The following ACLY variants were observed in gnomAD, a reference collection of about 807,000 sequenced individuals.
ACLY encodes ATP-citrate synthase.
ACLY carries 41 observed loss-of-function variants against 133.0 expected under a neutral mutation model. The ratio of observed to expected loss-of-function variants is 0.31; its 90% CI spans 0.24 to 0.40. The LOEUF (loss-of-function observed/expected upper bound fraction) is 0.40. Ranked by LOEUF, ACLY falls within the 10% of genes least tolerant of loss-of-function variation. The probability of loss-of-function intolerance (pLI) is 1.00; values close to 1 mark genes in which losing one functional copy is unlikely to be tolerated. For synonymous variants in ACLY, 495 were observed against 549.3 expected, an observed-to-expected ratio of 0.90 and a Z score of 1.38; for missense variants, 1,046 against 1,453.8, an observed-to-expected ratio of 0.72 and a Z score of 4.56.
Position 41,883,223 on chromosome 17 carries a change from T to C in ACLY, c.2164A>G (p.Thr722Ala), listed in dbSNP as rs782088357. Residue 722 changes from threonine (T) to alanine (A), a missense_variant, in exon 20 of 29, where the codon ACT (threonine) becomes GCT (alanine). Thr to Ala is a moderately conservative substitution (Grantham distance 58, BLOSUM62 0). Around this residue, in one of 4 missense-constraint regions of ACLY, gnomAD observed 575 missense variants for 804.2 expected, o/e 0.71. Transcript: ENST00000352035. ...MIVVLGEIGG[T>A]EEYKICRGIK... ...CCCCGGCAAATCTTATATTCCTCAG[T>C]GCCCCCAATCTGCCAAGGAATGGGG... 10 of 1,613,736 alleles carry C rather than the reference T, an allele frequency of 6.2e-6. No individual in the cohort carries two copies. The Admixed American group carries it at 1.7e-4, about 27-fold the overall frequency.
chr17:41,929,269 A>G (rs1555636351), intron 1 of ACLY, among the ~76,000 whole-genome samples: 6 of 151,804 alleles, frequency 4.0e-5, no homozygotes, highest in African/African-American at 1.5e-4. Flanking sequence ...TCACTTTTGT[A>G]TTTGTGGTAG....
intron 1 of ACLY, among the ~76,000 whole-genome samples, chr17:41,914,152 T>C (rs2049985455): frequency 6.6e-6 from 1 of 152,202 alleles, no homozygotes; most frequent in Non-Finnish European, 1.5e-5. Flanking sequence ...CCATTTCCCC[T>C]GGGACTCTTG....
chr17:41,896,359 A>G (rs2049365398), intron 14 of ACLY, among the ~76,000 whole-genome samples: 1 of 152,000 alleles, frequency 6.6e-6, no homozygotes, highest in Non-Finnish European at 1.5e-5. Context: ...TCCTTCCAAA[A>G]TCTCTACCCC....
intron 23 of ACLY, among the ~76,000 whole-genome samples, chr17:41,873,572 T>C (rs2048654993): frequency 6.6e-6 from 1 of 152,194 alleles, no homozygotes; most frequent in South Asian, 2.1e-4. Context: ...CTAACCTCTA[T>C]CTTGCTGTCA....
intron 20 of ACLY, among the ~76,000 whole-genome samples, chr17:41,882,394 A>AAAAAAAAAAAAAT: frequency 6.7e-6 from 1 of 149,114 alleles, no homozygotes; most frequent in African/African-American, 2.5e-5. Flanking sequence ...AAAAAAAAAA[A>AAAAAAAAAAAAAT]AAAGTTGTTT....
Position 41,892,758 on chromosome 17 carries a change from C to T in ACLY, c.1601+275G>A, listed in dbSNP as rs573798115. On this transcript the variant is annotated intron_variant, in intron 15 of 28. Transcript: ENST00000352035. ...GTGGCATAATTAGAGTTCACTGCAG[C>T]CTCAACCTCCAAGGCTCAGGCAATC... Among the ~76,000 whole-genome samples, 6 of 152,072 alleles carry T rather than the reference C, an allele frequency of 3.9e-5. No homozygotes were observed. In the East Asian group the frequency reaches 1.2e-3, roughly 30 times the overall value.
chr17:41,868,975 T>G (rs1434111297), intron 27 of ACLY, 68 bp downstream of exon 27: 2 of 1,467,162 alleles, frequency 1.4e-6, no homozygotes, highest in Non-Finnish European at 1.9e-6. Flanking sequence ...ATGCATTACT[T>G]TTATAGTTTG....
At chr17:41,881,703 TCTC>T (rs1386486579) in intron 20 of ACLY, among the ~76,000 whole-genome samples, 1 of 151,980 alleles carries the variant, frequency 6.6e-6, no homozygotes, top group Non-Finnish European at 1.5e-5. Flanking sequence ...TTCAAGCAAT[TCTC>T]CTGCCTCAGC....
intron 17 of ACLY, among the ~76,000 whole-genome samples, chr17:41,887,272 C>T (rs965215551): frequency 3.3e-5 from 5 of 151,896 alleles, no homozygotes; most frequent in African/African-American, 7.3e-5. Context: ...AATCCCGTCT[C>T]GACTAAAAAC....
intron 16 of ACLY, among the ~76,000 whole-genome samples, chr17:41,891,690 T>C (rs930469615): frequency 3.3e-5 from 5 of 151,988 alleles, no homozygotes; most frequent in Non-Finnish European, 7.4e-5. Flanking sequence ...GCGTATATTT[T>C]ATTTTACTTT....
chr17:41,910,590 G>A (rs1211652272), intron 3 of ACLY, among the ~76,000 whole-genome samples: 1 of 152,204 alleles, frequency 6.6e-6, no homozygotes, highest in East Asian at 1.9e-4. Flanking sequence ...TCACGGCTGT[G>A]GCAGAGCTTG....
intron 22 of ACLY, among the ~76,000 whole-genome samples, chr17:41,875,861 C>CACCCCGTCTGGGAAGTGAGGAGCGT (rs2048731967): frequency 1.3e-5 from 2 of 152,082 alleles, no homozygotes; most frequent in African/African-American, 4.8e-5. Flanking sequence ...GCCCGGCCGC[C>CACCCCGTCTGGGAAGTGAGGAGCGT]ACCCCGTCTG....
rs913969878 is a variant in ACLY, at chr17:41,896,427, G to A, written c.1459+193C>T. On this transcript the variant is annotated intron_variant, in intron 14 of 28. Transcript: ENST00000352035. ...GTGAGGAGAGGACTGAGTGGGGCGC[G>A]TACTGAGCACGGATAGGAGGGGAGG... 7.9e-5 allele frequency among the ~76,000 whole-genome samples: 12 copies of A among 152,266 alleles called. No homozygotes were observed. The East Asian group carries it at 1.9e-3, about 25-fold the overall frequency.
At chr17:41,885,002 T>G (rs2049013144) in intron 18 of ACLY, among the ~76,000 whole-genome samples, 1 of 152,142 alleles carries the variant, frequency 6.6e-6, no homozygotes, top group African/African-American at 2.4e-5. Flanking sequence ...CCAAAGTAGC[T>G]GGCACTACTG....
At position 41,896,608 on chromosome 17, in the gene ACLY, G is replaced by A. The variant is rs372713440; in HGVS notation, c.1459+12C>T. ...CCACACGCGGAGTGGGGGCAGGGTG[G>A]GGGCATCCTACCTTGCAGGGATCTT... On this transcript the variant is annotated intron_variant, in intron 14 of 28. Transcript: ENST00000352035. The A allele has an allele frequency of 2.7e-5, 42 of 1,556,634 alleles. No individual in the cohort carries two copies. The highest frequency in any genetic ancestry group is 3.6e-5 in the Non-Finnish European group (42 of 1,150,938).
At position 41,872,051 on chromosome 17, in the gene ACLY, G is replaced by A; in HGVS notation, c.2774C>T (p.Thr925Ile). ...RAGKDLVSSL[T>I]SGLLTIGDRF... ...ACTTACGATGGTGAGCAGCCCCGAGGTGAGGCTGGAGACCAGGTCTTTCCC... is the reference window on the plus strand; with the variant it reads ...ACTTACGATGGTGAGCAGCCCCGAGATGAGGCTGGAGACCAGGTCTTTCCC... The change falls in exon 24 of 29, where the codon ACC (threonine) becomes ATC (isoleucine). Residue 925 changes from threonine (T) to isoleucine (I), a missense_variant. By Grantham distance (89) the Thr-to-Ile change is moderately conservative. This residue lies in a region of ACLY where 205 missense variants were observed against 373.3 expected (regional missense o/e 0.55). Coordinates refer to ENST00000352035, the MANE Select transcript of ACLY (RefSeq NM_001096.3). The A allele has an allele frequency of 6.2e-7, 1 of 1,613,976 alleles. No homozygotes were observed. Among genetic ancestry groups the A allele is most frequent in the Non-Finnish European group, 8.5e-7 (1 of 1,179,916 alleles).
At chr17:41,895,857 G>A (rs764893646) in intron 14 of ACLY, among the ~76,000 whole-genome samples, 6 of 152,104 alleles carry the variant, frequency 3.9e-5, no homozygotes, top group Non-Finnish European at 5.9e-5. Context: ...CCGCCTCCAC[G>A]GCTGTGAATG....
At chr17:41,871,584 A>G (rs1288023102) in intron 25 of ACLY, 105 bp downstream of exon 25, 23 of 1,407,388 alleles carry the variant, frequency 1.6e-5, no homozygotes, top group African/African-American at 1.3e-4. Flanking sequence ...CCAACTCCCG[A>G]CCTCAAGTGA....
intron 22 of ACLY, among the ~76,000 whole-genome samples, chr17:41,877,163 G>A (rs1278818757): frequency 1.0e-4 from 15 of 149,744 alleles, no homozygotes; most frequent in Admixed American, 7.3e-4. Context: ...TTTTTGAGAC[G>A]GAGTTTCGCT....
Sources: allele counts gnomAD v4.1 joint callset (sites outside exome capture counted in the v4.1 genomes callset), GRCh38; gene constraint gnomAD v4.1.1; regional missense constraint gnomAD v4.1.1; transcripts MANE v1.5; gene names NCBI Gene and HGNC (gene_info 2026-07-23, HGNC 2026-07-21).